Variants in KIAA0825 observed in about 807,000 individuals in gnomAD.
The protein encoded by KIAA0825 is uncharacterized protein KIAA0825.
Under a neutral mutation model 147.6 loss-of-function variants are expected in KIAA0825, and 119 were observed. That is an observed-to-expected ratio of 0.81 (90% CI 0.69 to 0.94). KIAA0825 has a LOEUF of 0.94. Ranked by LOEUF, KIAA0825 falls within the 40% of genes least tolerant of loss-of-function variation. The probability of loss-of-function intolerance (pLI) is 0.00; values close to 1 mark genes in which losing one functional copy is unlikely to be tolerated. For missense variants in KIAA0825, 1,381 were observed against 1,472.7 expected, an observed-to-expected ratio of 0.94 and a Z score of 1.02; for synonymous variants, 470 against 518.1, an observed-to-expected ratio of 0.91 and a Z score of 1.26.
intron 20 of KIAA0825, among the ~76,000 whole-genome samples, chr5:94,307,355 C>T (rs1284760926): frequency 6.6e-6 from 1 of 151,674 alleles, no homozygotes; most frequent in Non-Finnish European, 1.5e-5. Context: ...AGTACCTATG[C>T]CCCTGTCACC....
At chr5:94,288,569 T>C (rs970426807) in intron 20 of KIAA0825, among the ~76,000 whole-genome samples, 1 of 152,184 alleles carries the variant, frequency 6.6e-6, no homozygotes, top group Non-Finnish European at 1.5e-5. Context: ...CTTTTTAATA[T>C]ACACCTATTT....
chr5:94,389,465 A>G (rs926280059), intron 18 of KIAA0825, among the ~76,000 whole-genome samples: 1 of 152,142 alleles, frequency 6.6e-6, no homozygotes, highest in Non-Finnish European at 1.5e-5. Context: ...GGCCTTAACT[A>G]TCATGAGACA....
At chr5:94,234,323 A>T (rs571171596) in intron 20 of KIAA0825, among the ~76,000 whole-genome samples, 1 of 151,964 alleles carries the variant, frequency 6.6e-6, no homozygotes, top group Non-Finnish European at 1.5e-5. Flanking sequence ...GTGAGCCGAG[A>T]TCGCGCCACT....
chr5:94,351,577 T>A (rs1319101697), intron 20 of KIAA0825, among the ~76,000 whole-genome samples: 2 of 152,140 alleles, frequency 1.3e-5, no homozygotes, highest in African/African-American at 4.8e-5. Context: ...TTCACAGAAT[T>A]AGAAAAAACA....
intron 18 of KIAA0825, among the ~76,000 whole-genome samples, chr5:94,387,897 A>G (rs563768637): frequency 2.6e-5 from 4 of 152,244 alleles, no homozygotes; most frequent in African/African-American, 9.6e-5. Context: ...AACTTTAGGA[A>G]TGCCCACTGT....
intron 20 of KIAA0825, among the ~76,000 whole-genome samples, chr5:94,171,122 C>G (rs781741429): frequency 1.3e-5 from 2 of 152,136 alleles, no homozygotes; most frequent in African/African-American, 2.4e-5. Context: ...AATTGTAACT[C>G]CCACAATTCC....
intron 6 of KIAA0825, among the ~76,000 whole-genome samples, chr5:94,480,071 T>A (rs1404582880): frequency 6.6e-6 from 1 of 152,096 alleles, no homozygotes; most frequent in Non-Finnish European, 1.5e-5. Flanking sequence ...CCTGTTTATT[T>A]AGCAATTCTA....
At chr5:94,595,967 C>T (rs1472519076) in intron 1 of KIAA0825, among the ~76,000 whole-genome samples, 1 of 152,168 alleles carries the variant, frequency 6.6e-6, no homozygotes, top group Non-Finnish European at 1.5e-5. Flanking sequence ...TCCTCATCTC[C>T]ATCTGAGAAC....
Position 94,520,576 on chromosome 5 carries a change from GT to G in KIAA0825, c.641del (p.Asn214ThrfsTer24). ...PESEVIIKYQ[N>X]IQNKLLANLL... is the part of the protein sequence containing the mutation. ...GATTAGCCAACAGTTTATTCTGTAT[GT>G]TTTGGTATTTGATTATAACTTCTGA... is the stretch of plus-strand genomic sequence containing the variant. On this transcript the variant is annotated frameshift_variant, in exon 5 of 21. Transcript: ENST00000682413. LOFTEE classifies it high-confidence loss of function. The G allele has an allele frequency of 6.2e-7, 1 of 1,613,430 alleles. No individual in the cohort carries two copies. The highest frequency in any genetic ancestry group is 8.5e-7 in the Non-Finnish European group (1 of 1,179,498).
At chr5:94,473,775 A>T (rs1482424961) in intron 7 of KIAA0825, among the ~76,000 whole-genome samples, 2 of 152,204 alleles carry the variant, frequency 1.3e-5, no homozygotes, top group Non-Finnish European at 2.9e-5. Context: ...AAAACTTTTT[A>T]AAAAATTTAA....
intron 20 of KIAA0825, among the ~76,000 whole-genome samples, chr5:94,199,826 C>T (rs770540396): frequency 1.3e-5 from 2 of 152,176 alleles, no homozygotes; most frequent in Non-Finnish European, 2.9e-5. Context: ...TGCAAAAGCA[C>T]TCTGATGGGA....
chr5:94,413,220 G>T (rs548726205), intron 15 of KIAA0825: 8 of 152,208 alleles, frequency 5.3e-5, no homozygotes, highest in Admixed American at 4.6e-4. Context: ...AAAGTGCTGG[G>T]ATTACAGGCG....
chr5:94,328,551 T>G (rs978253500), intron 20 of KIAA0825, among the ~76,000 whole-genome samples: 1 of 152,042 alleles, frequency 6.6e-6, no homozygotes, highest in Non-Finnish European at 1.5e-5. Flanking sequence ...AAAATCAGCA[T>G]GTACTACTTT....
chr5:94,514,212 G>T (rs1393424720), intron 5 of KIAA0825, among the ~76,000 whole-genome samples: 1 of 151,924 alleles, frequency 6.6e-6, no homozygotes, highest in African/African-American at 2.4e-5. Context: ...TGGTAAAAAT[G>T]GTATATGTAA....
chr5:94,424,505 G>T (rs1028285215), intron 14 of KIAA0825, among the ~76,000 whole-genome samples: 28 of 151,906 alleles, frequency 1.8e-4, no homozygotes, highest in African/African-American at 6.8e-4. Context: ...AAACCTAAAA[G>T]ATACAACAAA....
At chr5:94,438,526 CA>C (rs1159878876) in intron 14 of KIAA0825, among the ~76,000 whole-genome samples, 1 of 152,062 alleles carries the variant, frequency 6.6e-6, no homozygotes, top group African/African-American at 2.4e-5. Flanking sequence ...AAATCAGATT[CA>C]GGGCTTGGGA....
At chr5:94,349,361 C>G (rs749170449) in intron 20 of KIAA0825, among the ~76,000 whole-genome samples, 7 of 152,178 alleles carry the variant, frequency 4.6e-5, no homozygotes, top group Non-Finnish European at 1.0e-4. Context: ...GACTTCAGTA[C>G]TGCACTGACA....
At chr5:94,338,176 A>G (rs1404037988) in intron 20 of KIAA0825, among the ~76,000 whole-genome samples, 3 of 152,232 alleles carry the variant, frequency 2.0e-5, no homozygotes, top group Non-Finnish European at 2.9e-5. Flanking sequence ...AATTCTCTCC[A>G]TTGAAGGTTG....
At chr5:94,298,156 G>A (rs1778224589) in intron 20 of KIAA0825, among the ~76,000 whole-genome samples, 1 of 151,790 alleles carries the variant, frequency 6.6e-6, no homozygotes, top group African/African-American at 2.4e-5. Flanking sequence ...CTGAGGCAAG[G>A]AGAATCACTT....
Sources: gnomAD v4.1 joint callset for allele counts (sites outside exome capture counted in the v4.1 genomes callset) on GRCh38, gnomAD v4.1.1 for gene constraint, MANE v1.5 for transcripts, NCBI Gene and HGNC (gene_info 2026-07-23, HGNC 2026-07-21) for gene names.